Variants in SH3PXD2A observed in about 807,000 individuals in gnomAD.
The protein encoded by SH3PXD2A is SH3 and PX domain-containing protein 2A.
Under a neutral mutation model 115.2 loss-of-function variants are expected in SH3PXD2A, and 32 were observed. The observed-to-expected ratio is 0.28, with a 90% CI of 0.21 to 0.37. The LOEUF (loss-of-function observed/expected upper bound fraction) is 0.37. Ranked by LOEUF, SH3PXD2A falls within the 10% of genes least tolerant of loss-of-function variation. The pLI, the probability that SH3PXD2A is intolerant of heterozygous loss-of-function variation, is 1.00. For synonymous variants in SH3PXD2A, 610 were observed against 629.1 expected, an observed-to-expected ratio of 0.97 and a Z score of 0.45; for missense variants, 1,328 against 1,498.7, an observed-to-expected ratio of 0.89 and a Z score of 1.88.
chr10:103,773,505 T>A (rs994033599), intron 2 of SH3PXD2A, among the ~76,000 whole-genome samples: 5 of 150,968 alleles, frequency 3.3e-5, no homozygotes, highest in African/African-American at 1.2e-4. Context: ...AGTGGTGCAA[T>A]CTCGGCTCAC....
chr10:103,784,492 G>T lies in SH3PXD2A; in HGVS notation c.153+16790C>A, dbSNP rs2038962315. 6.6e-6 allele frequency among the ~76,000 whole-genome samples: 1 copy of T among 152,234 alleles called. No individual in the cohort carries two copies. The highest frequency in any genetic ancestry group is 2.4e-5 in the African/African-American group (1 of 41,442). ...TTTATTTAAAAGAGACATATCTGAAGCAAATGTGGCAAAATATTCACGTGT... is the reference window on the plus strand; with the variant it reads ...TTTATTTAAAAGAGACATATCTGAATCAAATGTGGCAAAATATTCACGTGT... On this transcript the variant is annotated intron_variant, in intron 2 of 14. Coordinates refer to ENST00000369774, the MANE Select transcript of SH3PXD2A (RefSeq NM_001394015.1). The surrounding 1 kb of genome is among the most constrained non-coding windows in gnomAD (Gnocchi z 4.4).
Position 103,602,844 on chromosome 10 carries a change from G to C in SH3PXD2A, c.2374C>G (p.Leu792Val), listed in dbSNP as rs766343336. 13 of 1,614,046 alleles carry C rather than the reference G, an allele frequency of 8.1e-6. No homozygotes were observed. The highest frequency in any genetic ancestry group is 1.3e-5 in the African/African-American group (1 of 74,938). ...GAATCCTCACTCTTGGAGCCCTTGA[G>C]CCCTCCACGGAGCTGGCCTGTGGGT... ...LRPTGQLRGG[L>V]KGSKSEDSEL... Residue 792 changes from leucine (L) to valine (V), a missense_variant, in exon 15 of 15, where the codon CTC (leucine) becomes GTC (valine). Transcript: ENST00000369774.
intron 5 of SH3PXD2A, among the ~76,000 whole-genome samples, chr10:103,723,495 C>T (rs566106701): frequency 1.6e-4 from 25 of 152,296 alleles, no homozygotes; most frequent in African/African-American, 6.0e-4. Flanking sequence ...GAGAAACCAG[C>T]ATGGCTGAGT....
intron 8 of SH3PXD2A, among the ~76,000 whole-genome samples, chr10:103,628,046 C>T (rs983341799): frequency 7.9e-5 from 12 of 152,314 alleles, no homozygotes; most frequent in South Asian, 4.1e-4. Flanking sequence ...CTGGAGGCCC[C>T]GTCACCATCC....
intron 8 of SH3PXD2A, among the ~76,000 whole-genome samples, chr10:103,650,743 T>TTGTGCTATCCTTC: frequency 6.6e-6 from 1 of 152,044 alleles, no homozygotes; most frequent in Admixed American, 6.5e-5. Flanking sequence ...CCAGAGCAGA[T>TTGTGCTATCCTTC]TGAGTCCTAG....
chr10:103,689,104 G>T (rs757544700), intron 6 of SH3PXD2A, among the ~76,000 whole-genome samples: 1 of 152,200 alleles, frequency 6.6e-6, no homozygotes, highest in South Asian at 2.1e-4. Context: ...GAACTCCTAG[G>T]CTCAAGTGAT....
At chr10:103,776,425 CGTGTGTGTGTCTGTGTGTGTGTGTGT>C (rs1754824052) in intron 2 of SH3PXD2A, among the ~76,000 whole-genome samples, 4 of 112,118 alleles carry the variant, frequency 3.6e-5, no homozygotes, top group Admixed American at 2.8e-4. Flanking sequence ...TGTGTGCATG[CGTGTGTGTGTCTGTGTGTGTGTGTGT>C]GTGTGTGTGT....
At chr10:103,642,909 T>C (rs1029620881) in intron 8 of SH3PXD2A, among the ~76,000 whole-genome samples, 25 of 152,204 alleles carry the variant, frequency 1.6e-4, no homozygotes, top group African/African-American at 5.8e-4. Context: ...AGCTGTAGGC[T>C]GACAACCATC....
At position 103,801,269 on chromosome 10, in the gene SH3PXD2A, C is replaced by CA. The variant is rs775235424; in HGVS notation, c.153+12_153+13insT. The CA allele has an allele frequency of 6.4e-7, 1 of 1,570,690 alleles. No homozygotes were observed. Among genetic ancestry groups the CA allele is most frequent in the Non-Finnish European group, 8.8e-7 (1 of 1,141,210 alleles). On this transcript the variant is annotated intron_variant, in intron 2 of 14. Transcript: ENST00000369774. The stretch of plus-strand genomic sequence containing the variant: ...AGAGACTTGGGCCACTGTCCGAGCT[C>CA]TGACAAACTCACCTGCAGGTCAAAG...
chr10:103,782,602 G>A (rs1368437144), intron 2 of SH3PXD2A, among the ~76,000 whole-genome samples: 5 of 152,144 alleles, frequency 3.3e-5, no homozygotes, highest in African/African-American at 9.6e-5. Flanking sequence ...TCTAGGCATC[G>A]GGAAAACAGA....
chr10:103,778,131 C>A (rs1273488292), intron 2 of SH3PXD2A, among the ~76,000 whole-genome samples: 1 of 152,038 alleles, frequency 6.6e-6, no homozygotes, highest in Non-Finnish European at 1.5e-5. Flanking sequence ...AGATCGAGAC[C>A]ATCCTGGCTA....
intron 2 of SH3PXD2A, among the ~76,000 whole-genome samples, chr10:103,790,698 T>G (rs2039027042): frequency 6.6e-6 from 1 of 152,222 alleles, no homozygotes; most frequent in African/African-American, 2.4e-5. Context: ...TACTCGGTTT[T>G]GTTTTTTAGA....
At chr10:103,693,787 G>T (rs907956079) in intron 5 of SH3PXD2A, among the ~76,000 whole-genome samples, 11 of 152,140 alleles carry the variant, frequency 7.2e-5, no homozygotes, top group African/African-American at 2.2e-4. Flanking sequence ...GGTAGTGGGG[G>T]GGACAGAGGA....
chr10:103,607,474 C>T (rs1310576190), intron 13 of SH3PXD2A, among the ~76,000 whole-genome samples: 3 of 151,924 alleles, frequency 2.0e-5, no homozygotes, highest in African/African-American at 7.2e-5. Context: ...GCCGCCCCTA[C>T]TGGGAGGTGA....
chr10:103,820,026 G>A (rs543157162), intron 1 of SH3PXD2A, among the ~76,000 whole-genome samples: 3 of 152,156 alleles, frequency 2.0e-5, no homozygotes, highest in Non-Finnish European at 4.4e-5. Context: ...GCTCATTTTT[G>A]GACAGTTCAG....
chr10:103,739,245 A>T (rs2038416311), intron 3 of SH3PXD2A, among the ~76,000 whole-genome samples: 1 of 152,176 alleles, frequency 6.6e-6, no homozygotes, highest in Admixed American at 6.5e-5. Flanking sequence ...GAGTGAGGCC[A>T]CCGGGCCACT....
chr10:103,729,704 G>A (rs894209638), intron 4 of SH3PXD2A, among the ~76,000 whole-genome samples: 2 of 152,226 alleles, frequency 1.3e-5, no homozygotes, highest in African/African-American at 4.8e-5. Context: ...GAGCAGATCT[G>A]CAGAAATGGC....
chr10:103,743,514 C>T (rs1006280665), intron 3 of SH3PXD2A, among the ~76,000 whole-genome samples: 1 of 152,074 alleles, frequency 6.6e-6, no homozygotes, highest in Non-Finnish European at 1.5e-5. Context: ...CCTCAGCCTC[C>T]GAAGTAACAG....
chr10:103,733,590 A>C (rs1166607948), intron 4 of SH3PXD2A, among the ~76,000 whole-genome samples: 2 of 152,244 alleles, frequency 1.3e-5, no homozygotes, highest in Non-Finnish European at 2.9e-5. Context: ...AGCTTAAGGG[A>C]ATCCAGCACT....
Sources: allele counts gnomAD v4.1 joint callset (sites outside exome capture counted in the v4.1 genomes callset), GRCh38; gene constraint gnomAD v4.1.1; non-coding constraint Gnocchi (gnomAD v3.1); transcripts MANE v1.5; gene names NCBI Gene and HGNC (gene_info 2026-07-23, HGNC 2026-07-21).